The following ATRNL1 variants were observed in gnomAD, a reference collection of about 807,000 sequenced individuals.
ATRNL1 encodes attractin-like protein 1.
A neutral mutation model predicts 182.7 loss-of-function variants in ATRNL1; 95 were observed. The observed-to-expected ratio is 0.52, with a 90% CI of 0.44 to 0.62. The LOEUF (loss-of-function observed/expected upper bound fraction) is 0.62. Among genes scored for constraint, ATRNL1 ranks in the 20% least tolerant of loss-of-function variants. ATRNL1 has a pLI of 0.00. For missense variants in ATRNL1, 1,471 were observed against 1,679.5 expected, an observed-to-expected ratio of 0.88 and a Z score of 2.17; for synonymous variants, 576 against 568.3, an observed-to-expected ratio of 1.01 and a Z score of -0.19.
intron 24 of ATRNL1, among the ~76,000 whole-genome samples, chr10:115,505,436 C>T (rs1442487152): frequency 6.6e-6 from 1 of 151,956 alleles, no homozygotes; most frequent in Non-Finnish European, 1.5e-5. Context: ...AATACGAAAG[C>T]AAGCAGTTTA....
intron 20 of ATRNL1, among the ~76,000 whole-genome samples, chr10:115,397,996 A>T (rs1844370591): frequency 6.6e-6 from 1 of 151,982 alleles, no homozygotes. Flanking sequence ...AGAAGAGATC[A>T]GCTAGGGTAG....
At chr10:115,113,341 G>A (rs935468107) in intron 1 of ATRNL1, among the ~76,000 whole-genome samples, 59 of 152,178 alleles carry the variant, frequency 3.9e-4, no homozygotes, top group Admixed American at 2.0e-4. Context: ...GGGCAATTTT[G>A]TGAGAGTTTC....
chr10:115,578,456 A>G (rs756298433), intron 26 of ATRNL1, among the ~76,000 whole-genome samples: 14 of 151,382 alleles, frequency 9.2e-5, no homozygotes, highest in Non-Finnish European at 1.8e-4. Context: ...TTTTCAGGCT[A>G]TTTCTTCTCT....
intron 19 of ATRNL1, among the ~76,000 whole-genome samples, chr10:115,382,902 A>G (rs997869452): frequency 6.6e-6 from 1 of 151,840 alleles, no homozygotes. Context: ...ACCCTTGTCA[A>G]GAGTCAATTG....
At chr10:115,223,929 A>ATATATTTTTTTTTTTTTTT (rs1420143943) in intron 9 of ATRNL1, among the ~76,000 whole-genome samples, 2 of 44,714 alleles carry the variant, frequency 4.5e-5, no homozygotes, top group African/African-American at 9.2e-5. Context: ...ATATATATAT[A>ATATATTTTTTTTTTTTTTT]TTTTTTTTTT....
At position 115,203,541 on chromosome 10, in the gene ATRNL1, T is replaced by G. The variant is rs1037295348; in HGVS notation, c.1349-12156T>G. Among the ~76,000 whole-genome samples, 9 of 151,812 alleles carry G rather than the reference T, an allele frequency of 5.9e-5. No homozygotes were observed. The East Asian group carries it at 1.7e-3, about 29-fold the overall frequency. On this transcript the variant is annotated intron_variant, in intron 8 of 28. Coordinates refer to ENST00000355044, the MANE Select transcript of ATRNL1 (RefSeq NM_207303.4). The stretch of plus-strand genomic sequence containing the variant: ...GCGTTTAGTTTACTTTTGAGCCTCT[T>G]AGGATTCTTAAAAGTTTAAAACTAG...
chr10:115,296,028 A>C (rs1554922461), intron 15 of ATRNL1, among the ~76,000 whole-genome samples: 1 of 152,100 alleles, frequency 6.6e-6, no homozygotes, highest in African/African-American at 2.4e-5. Context: ...TTCTTAATTG[A>C]GGGCAATGCA....
intron 21 of ATRNL1, among the ~76,000 whole-genome samples, chr10:115,450,233 G>T (rs1847216096): frequency 6.6e-6 from 1 of 152,162 alleles, no homozygotes; most frequent in Non-Finnish European, 1.5e-5. Context: ...AGACAAGGAT[G>T]CCCTCTCTCA....
chr10:115,479,228 T>G (rs1554973690), intron 24 of ATRNL1, among the ~76,000 whole-genome samples: 2 of 151,674 alleles, frequency 1.3e-5, no homozygotes, highest in Non-Finnish European at 3.0e-5. Context: ...TTTCTTTTAC[T>G]GTTCCTAAAT....
In ATRNL1 at chr10:115,301,839, T is replaced by G. The variant is rs539423254; in HGVS notation, c.2630-16T>G. 1 of 1,570,492 alleles carries G rather than the reference T, an allele frequency of 6.4e-7. No homozygotes were observed. The highest frequency in any genetic ancestry group is 1.4e-5 in the African/African-American group (1 of 73,508). On this transcript the variant is annotated splice_polypyrimidine_tract_variant and intron_variant, in intron 16 of 28. Coordinates refer to ENST00000355044, the MANE Select transcript of ATRNL1 (RefSeq NM_207303.4). ...AAGTTAAAAATGAAATTATTGTATT[T>G]GTTTATTTATTCCAGTTAGTCCAAA...
At chr10:115,692,183 A>G (rs1220448758) in intron 26 of ATRNL1, among the ~76,000 whole-genome samples, 1 of 152,194 alleles carries the variant, frequency 6.6e-6, no homozygotes, top group Non-Finnish European at 1.5e-5. Flanking sequence ...TCCTCCAACT[A>G]TAGTAAGGCA....
chr10:115,905,884 G>T (rs945418312), intron 28 of ATRNL1, among the ~76,000 whole-genome samples: 8 of 152,184 alleles, frequency 5.3e-5, no homozygotes, highest in African/African-American at 1.9e-4. Context: ...CTTAAGAGAA[G>T]TTAATTCCTC....
intron 20 of ATRNL1, among the ~76,000 whole-genome samples, chr10:115,425,584 A>T (rs1845847121): frequency 6.6e-6 from 1 of 152,020 alleles, no homozygotes; most frequent in Admixed American, 6.6e-5. Flanking sequence ...ATTTTTATGT[A>T]TTAAATATAA....
chr10:115,723,482 A>AT (rs1422997068), intron 26 of ATRNL1, among the ~76,000 whole-genome samples: 1 of 152,130 alleles, frequency 6.6e-6, no homozygotes, highest in Non-Finnish European at 1.5e-5. Flanking sequence ...ATTTGATAGA[A>AT]TCACTGACTC....
intron 27 of ATRNL1, among the ~76,000 whole-genome samples, chr10:115,840,449 T>C (rs1950779778): frequency 6.6e-6 from 1 of 152,158 alleles, no homozygotes. Flanking sequence ...ACTTACTGAG[T>C]ACTTACTGTG....
At chr10:115,487,246 T>G (rs1849070589) in intron 24 of ATRNL1, among the ~76,000 whole-genome samples, 1 of 152,172 alleles carries the variant, frequency 6.6e-6, no homozygotes, top group Non-Finnish European at 1.5e-5. Context: ...CATATGAAAT[T>G]TAAAGTAGTT....
At chr10:115,211,343 G>A (rs1476013953) in intron 8 of ATRNL1, among the ~76,000 whole-genome samples, 2 of 150,934 alleles carry the variant, frequency 1.3e-5, no homozygotes, top group Non-Finnish European at 2.9e-5. Context: ...TTTCTCTCCA[G>A]CATTTGAAAA....
intron 25 of ATRNL1, among the ~76,000 whole-genome samples, chr10:115,526,436 A>G (rs1263543227): frequency 6.6e-6 from 1 of 152,194 alleles, no homozygotes; most frequent in Non-Finnish European, 1.5e-5. Flanking sequence ...TCAATACAAC[A>G]TAATGATAAT....
chr10:115,639,583 G>A (rs1555029483), intron 26 of ATRNL1, among the ~76,000 whole-genome samples: 1 of 152,144 alleles, frequency 6.6e-6, no homozygotes, highest in African/African-American at 2.4e-5. Flanking sequence ...TGGACATGTG[G>A]TTTCACACTT....
Sources: allele counts gnomAD v4.1 joint callset (sites outside exome capture counted in the v4.1 genomes callset), GRCh38; gene constraint gnomAD v4.1.1; transcripts MANE v1.5; gene names NCBI Gene and HGNC (gene_info 2026-07-23, HGNC 2026-07-21).